Variants in TMEM165 observed in about 807,000 individuals in gnomAD.
The protein encoded by TMEM165 is transmembrane protein 165.
TMEM165 carries 19 observed loss-of-function variants against 30.0 expected under a neutral mutation model. The observed-to-expected ratio is 0.63, with a 90% CI of 0.44 to 0.93. The LOEUF is 0.93. TMEM165 is among the 40% of genes least tolerant of loss of function. The probability of loss-of-function intolerance (pLI) is 0.00; values close to 1 mark genes in which losing one functional copy is unlikely to be tolerated. For missense variants in TMEM165, 340 were observed against 417.0 expected, an observed-to-expected ratio of 0.82 and a Z score of 1.61; for synonymous variants, 168 against 162.9, an observed-to-expected ratio of 1.03 and a Z score of -0.24.
chr4:55,448,681 G>T (rs1318723573), intron 3 of TMEM165: 1 of 818,292 alleles, frequency 1.2e-6, no homozygotes, highest in Non-Finnish European at 2.0e-6. Flanking sequence ...GTGGCTACAG[G>T]TGCTTGCCAG....
chr4:55,423,887 G>A (rs957824084), intron 4 of TMEM165: 1 of 148,972 alleles, frequency 6.7e-6, no homozygotes, highest in Non-Finnish European at 1.5e-5. Flanking sequence ...CTCTGCAGCT[G>A]GTTGTCTGGT....
At position 55,403,294 on chromosome 4, in the gene TMEM165, C is replaced by A. The variant is rs1262593605; in HGVS notation, c.207+6898C>A. The A allele has an allele frequency of 2.3e-6, 3 of 1,287,032 alleles. No individual in the cohort carries two copies. The East Asian group carries it at 1.7e-4, about 72-fold the overall frequency. 79.7% of individuals were successfully genotyped at this position (1,287,032 alleles called of 1,614,324 possible). ...GATTTTGTTTCAAGGAAAGCATCTT[C>A]ATCTTCTCTAGTTTCATCATGTATA... On this transcript the variant is annotated intron_variant, in intron 1 of 5. Transcript: ENST00000381334.
chr4:55,405,193 T>A (rs1162699149), intron 1 of TMEM165, among the ~76,000 whole-genome samples: 2 of 152,192 alleles, frequency 1.3e-5, no homozygotes, highest in Admixed American at 1.3e-4. Flanking sequence ...AGCAACCAGA[T>A]AGAGTACGTC....
At chr4:55,426,940 A>ATGTC (rs1297338811), downstream of TMEM165, among the ~76,000 whole-genome samples, 1 of 152,242 alleles carries the variant, frequency 6.6e-6, no homozygotes, top group Non-Finnish European at 1.5e-5. Flanking sequence ...GTAGAAAACA[A>ATGTC]TGTCTGTGGA....
intron 4 of TMEM165, among the ~76,000 whole-genome samples, chr4:55,422,590 T>G (rs1270996937): frequency 1.3e-5 from 2 of 152,168 alleles, no homozygotes; most frequent in Non-Finnish European, 2.9e-5. Flanking sequence ...AAAAATCACA[T>G]TGGTCTTACC....
chr4:55,399,378 A>G (rs770627478), intron 1 of TMEM165: 1 of 152,194 alleles, frequency 6.6e-6, no homozygotes, highest in Admixed American at 6.6e-5. Context: ...CCTGCTTGAC[A>G]TGTCCACTTC....
At chr4:55,411,217 A>G (rs760547388) in intron 1 of TMEM165, among the ~76,000 whole-genome samples, 10 of 152,084 alleles carry the variant, frequency 6.6e-5, no homozygotes, top group Admixed American at 1.3e-4. Flanking sequence ...GGAGAATTAT[A>G]TGTAAATCTG....
intron 3 of TMEM165, among the ~76,000 whole-genome samples, chr4:55,436,712 T>A (rs1722902470): frequency 6.6e-6 from 1 of 152,138 alleles, no homozygotes; most frequent in Non-Finnish European, 1.5e-5. Flanking sequence ...TAGGAAAAGC[T>A]GTGTAAGGCA....
At chr4:55,445,045 A>G (rs1191819177) in intron 3 of TMEM165, among the ~76,000 whole-genome samples, 2 of 146,320 alleles carry the variant, frequency 1.4e-5, no homozygotes, top group Non-Finnish European at 3.0e-5. Context: ...CTGCCAAGAA[A>G]GTGCTCAACT....
At chr4:55,421,081 C>T (rs557755102) in intron 4 of TMEM165, among the ~76,000 whole-genome samples, 73 of 143,150 alleles carry the variant, frequency 5.1e-4, no homozygotes, top group African/African-American at 1.8e-3. Context: ...ACTCGGGAGG[C>T]TGAGACAGGA....
intron 1 of TMEM165, among the ~76,000 whole-genome samples, chr4:55,402,433 A>ATACACACATT (rs1560387385): frequency 3.2e-5 from 1 of 30,778 alleles, no homozygotes; most frequent in Non-Finnish European, 5.3e-5. Flanking sequence ...ATATATATAT[A>ATACACACATT]TTTTTTTTTT....
chr4:55,449,552 G>A, intron 3 of TMEM165: 1 of 1,395,396 alleles, frequency 7.2e-7, no homozygotes, highest in Non-Finnish European at 1.0e-6. Flanking sequence ...AGTTTTTAAA[G>A]ATTAATCTCA....
At chr4:55,448,590 G>GCGCA (rs201717317) in intron 3 of TMEM165, among the ~76,000 whole-genome samples, 11 of 80,978 alleles carry the variant, frequency 1.4e-4, no homozygotes, top group Admixed American at 1.2e-3. Context: ...ATGTGCGCGC[G>GCGCA]CGCACGCGCG....
chr4:55,396,261 G>C lies in TMEM165; in HGVS notation c.72G>C (p.Leu24=). 1 of 1,518,552 alleles carries C rather than the reference G, an allele frequency of 6.6e-7. No homozygotes were observed. The highest frequency in any genetic ancestry group is 2.7e-5 in the East Asian group (1 of 36,708). The allele number at this position is 1,518,552 out of a possible 1,614,324, so 94.1% of individuals were successfully genotyped here. ...PRLLLLFLVP[L]LWAPAAVRAG... ...TGCTTCTGCTCTTTCTGGTTCCGCT[G>C]CTGTGGGCCCCGGCTGCGGTCCGGG... The change falls in exon 1 of 6, where the codon CTG becomes CTC. Residue 24 remains leucine, a synonymous_variant. Coordinates refer to ENST00000381334, the MANE Select transcript of TMEM165 (RefSeq NM_018475.5).
At position 55,425,510 on chromosome 4, in the gene TMEM165, T is replaced by C; in HGVS notation, c.*58T>C. The C allele has an allele frequency of 7.8e-7, 1 of 1,285,566 alleles. No homozygotes were observed. The highest frequency in any genetic ancestry group is 1.1e-6 in the Non-Finnish European group (1 of 889,228). The allele number at this position is 1,285,566 out of a possible 1,614,324, so 79.6% of individuals were successfully genotyped here. Reference sequence around the variant, plus strand: ...ATAGGTAGTATTATCTTTCTGTACATAGTGTACATTACAACTAAAAGTGAT... The same window carrying C: ...ATAGGTAGTATTATCTTTCTGTACACAGTGTACATTACAACTAAAAGTGAT... On this transcript the variant is annotated 3_prime_UTR_variant, in exon 6 of 6. Coordinates refer to ENST00000381334, the MANE Select transcript of TMEM165 (RefSeq NM_018475.5).
At chr4:55,404,346 T>G (rs1721183501) in intron 1 of TMEM165, among the ~76,000 whole-genome samples, 1 of 151,976 alleles carries the variant, frequency 6.6e-6, no homozygotes, top group Admixed American at 6.6e-5. Flanking sequence ...TAAACCAAAC[T>G]TCTAACTAGG....
chr4:55,410,470 G>A (rs764984034), intron 1 of TMEM165, among the ~76,000 whole-genome samples: 1 of 151,966 alleles, frequency 6.6e-6, no homozygotes, highest in African/African-American at 2.4e-5. Flanking sequence ...TGCAATGGGC[G>A]CAGTCTCAGC....
intron 3 of TMEM165, chr4:55,444,847 CACA>C (rs1723671212): frequency 6.6e-7 from 1 of 1,523,340 alleles, no homozygotes; most frequent in African/African-American, 1.4e-5. Context: ...CTTATAATTG[CACA>C]ACATGAAAAG....
intron 3 of TMEM165, chr4:55,443,780 A>T: frequency 1.2e-6 from 2 of 1,614,092 alleles, no homozygotes; most frequent in Non-Finnish European, 1.7e-6. Context: ...TCTGGTTAGT[A>T]GGAACAACTT....
Sources: allele counts gnomAD v4.1 joint callset (sites outside exome capture counted in the v4.1 genomes callset), GRCh38; gene constraint gnomAD v4.1.1; transcripts MANE v1.5; gene names NCBI Gene and HGNC (gene_info 2026-07-23, HGNC 2026-07-21).